XPOT: variants seen among roughly 807,000 people sequenced by gnomAD.
XPOT encodes exportin-T.
Under a neutral mutation model 128.2 loss-of-function variants are expected in XPOT, and 34 were observed. The observed-to-expected ratio is 0.27, with a 90% CI of 0.20 to 0.35. The LOEUF (loss-of-function observed/expected upper bound fraction) is 0.35, where lower values mean the gene tolerates loss of function less well. XPOT is among the 10% of genes least tolerant of loss of function. The pLI is 1.00. For missense variants in XPOT, 838 were observed against 1,125.3 expected, an observed-to-expected ratio of 0.74 and a Z score of 3.65; for synonymous variants, 348 against 394.3, an observed-to-expected ratio of 0.88 and a Z score of 1.39.
chr12:64,410,940 A>G (rs1172788155), intron 2 of XPOT, among the ~76,000 whole-genome samples: 1 of 152,168 alleles, frequency 6.6e-6, no homozygotes, highest in Non-Finnish European at 1.5e-5. Context: ...CTTTTTATAA[A>G]TGAGCTAAAT....
At chr12:64,418,773 C>G in intron 5 of XPOT, 103 bp from the exon 6 acceptor site, 1 of 891,302 alleles carries the variant, frequency 1.1e-6, no homozygotes, top group East Asian at 2.6e-5. Flanking sequence ...TTATCTGGGC[C>G]ATGTTGACAT....
intron 14 of XPOT, 44 bp downstream of exon 14, chr12:64,425,501 A>G: frequency 6.2e-7 from 1 of 1,604,278 alleles, no homozygotes; most frequent in Non-Finnish European, 8.5e-7. Context: ...GTTTCAGCTA[A>G]TGACTTGATA....
Position 64,428,704 on chromosome 12 carries a change from T to C in XPOT, c.1737+584T>C, listed in dbSNP as rs2040212985. Among the ~76,000 whole-genome samples, 6 of 152,280 alleles carry C rather than the reference T, an allele frequency of 3.9e-5. No individual in the cohort carries two copies. The South Asian group carries it at 1.2e-3, about 32-fold the overall frequency. ...AAAAATATAATCCTGGAAAAAGTAA[T>C]TTTAAAAAATTATTTGAAAGATATT... On this transcript the variant is annotated intron_variant, in intron 16 of 24. Transcript: ENST00000332707.
At chr12:64,417,125 G>A (rs920371277) in intron 4 of XPOT, among the ~76,000 whole-genome samples, 1 of 152,234 alleles carries the variant, frequency 6.6e-6, no homozygotes, top group African/African-American at 2.4e-5. Context: ...ACTGAGGCAC[G>A]AGAATTGCTT....
Position 64,421,275 on chromosome 12 carries a change from T to C in XPOT, c.884T>C (p.Val295Ala). ...TTCCTGGCCAGATTTTCTAAGTTGG[T>C]AAATGGAATGGGACAGTCATTGATA... Reference protein sequence around the residue: ...VDFLARFSKLVNGMGQSLIVS... With the variant: ...VDFLARFSKLANGMGQSLIVS... The change falls in exon 9 of 25, where the codon GTA becomes GCA. Residue 295 changes from valine (V) to alanine (A), a missense_variant. This residue lies in a region of XPOT where 761 missense variants were observed against 988.3 expected (regional missense o/e 0.77). Transcript: ENST00000332707. 1 of 1,613,914 alleles carries C rather than the reference T, an allele frequency of 6.2e-7. No individual in the cohort carries two copies. Among genetic ancestry groups the C allele is most frequent in the South Asian group, 1.1e-5 (1 of 91,076 alleles).
intron 19 of XPOT, 69 bp downstream of exon 19, chr12:64,433,672 A>G: frequency 7.2e-7 from 1 of 1,386,494 alleles, no homozygotes; most frequent in Middle Eastern, 1.9e-4. Flanking sequence ...TATATGACCA[A>G]GAGCAAACTG....
chr12:64,414,397 A>C (rs930443817), intron 2 of XPOT, among the ~76,000 whole-genome samples: 18 of 152,228 alleles, frequency 1.2e-4, no homozygotes, highest in African/African-American at 4.3e-4. Context: ...CTTACATGAT[A>C]TAATTAAAGA....
At chr12:64,437,151 A>AG (rs1565803239) in intron 22 of XPOT, among the ~76,000 whole-genome samples, 1 of 152,214 alleles carries the variant, frequency 6.6e-6, no homozygotes, top group African/African-American at 2.4e-5. Context: ...TCAATTCAGC[A>AG]GCATTTCTTC....
intron 11 of XPOT, among the ~76,000 whole-genome samples, chr12:64,423,718 T>C (rs1435979814): frequency 6.6e-6 from 1 of 152,162 alleles, no homozygotes; most frequent in African/African-American, 2.4e-5. Context: ...CCTCCCAAAG[T>C]GTTGGGATTA....
rs149510717 is a variant in XPOT, at chr12:64,424,699, G to A, written c.1283G>A (p.Arg428His). The A allele has an allele frequency of 1.0e-4, 165 of 1,613,588 alleles. No homozygotes were observed. Among genetic ancestry groups the A allele is most frequent in the Non-Finnish European group, 1.3e-4 (152 of 1,179,964 alleles). Residue 428 changes from arginine (R) to histidine (H), a missense_variant, in exon 12 of 25, where the codon CGC (arginine) becomes CAC (histidine). Around this residue, in one of 3 missense-constraint regions of XPOT, gnomAD observed 761 missense variants for 988.3 expected, o/e 0.77. Coordinates refer to ENST00000332707, the MANE Select transcript of XPOT (RefSeq NM_007235.6). ...CCAGAGTTACTACTGGCCTCTGTTC[G>A]CAGAGTTTTTAGTTCTACACTGCAG... ...VSPELLLASV[R>H]RVFSSTLQNW...
At chr12:64,415,036 T>C in intron 3 of XPOT, 47 bp downstream of exon 3, 1 of 1,147,398 alleles carries the variant, frequency 8.7e-7, no homozygotes, top group Non-Finnish European at 1.3e-6. Flanking sequence ...TCTGTGGACA[T>C]GACAGGACTG....
At chr12:64,434,297 A>G (rs1026862199) in intron 19 of XPOT, among the ~76,000 whole-genome samples, 1 of 152,146 alleles carries the variant, frequency 6.6e-6, no homozygotes, top group African/African-American at 2.4e-5. Flanking sequence ...CGCCCAGCTG[A>G]TTTTTCAGTG....
At chr12:64,406,065 A>G (rs1014896585) in intron 1 of XPOT, among the ~76,000 whole-genome samples, 9 of 151,982 alleles carry the variant, frequency 5.9e-5, no homozygotes, top group South Asian at 2.1e-4. Context: ...GAGTGACTTG[A>G]CCAAGCTTAA....
intron 15 of XPOT, among the ~76,000 whole-genome samples, chr12:64,426,298 C>CAAAAA (rs144538945): frequency 8.1e-6 from 1 of 123,686 alleles, no homozygotes; most frequent in Non-Finnish European, 1.6e-5. Flanking sequence ...GACTCAGTCT[C>CAAAAA]AAAAAAAAAA....
chr12:64,420,577 G>GGTACTAA, intron 8 of XPOT, 56 bp downstream of exon 8: 5 of 1,322,718 alleles, frequency 3.8e-6, no homozygotes, highest in Non-Finnish European at 5.2e-6. Context: ...AACTGGGATA[G>GGTACTAA]GTACTAAGTT....
intron 15 of XPOT, 68 bp downstream of exon 15, chr12:64,425,977 G>T: frequency 7.0e-7 from 1 of 1,428,356 alleles, no homozygotes; most frequent in Non-Finnish European, 9.9e-7. Context: ...TAAAACAATA[G>T]TAAAGACATG....
intron 23 of XPOT, among the ~76,000 whole-genome samples, chr12:64,441,554 A>G (rs1330122181): frequency 1.3e-5 from 2 of 152,094 alleles, no homozygotes; most frequent in African/African-American, 2.4e-5. Flanking sequence ...GATTCCATGT[A>G]AATTCTAGTT....
At chr12:64,434,047 ACT>A (rs985221324) in intron 19 of XPOT, among the ~76,000 whole-genome samples, 6 of 152,054 alleles carry the variant, frequency 3.9e-5, no homozygotes, top group Non-Finnish European at 8.8e-5. Flanking sequence ...ATAGGGTCTC[ACT>A]CTCTTGCCCA....
chr12:64,416,618 TTAC>T (rs2040089869), intron 3 of XPOT, 77 bp from the exon 4 acceptor site: 1 of 1,148,070 alleles, frequency 8.7e-7, no homozygotes, highest in Middle Eastern at 2.0e-4. Context: ...TTCTGCTGTA[TTAC>T]TCATTACTAT....
Sources: gnomAD v4.1 joint callset for allele counts (sites outside exome capture counted in the v4.1 genomes callset) on GRCh38, gnomAD v4.1.1 for gene constraint, gnomAD v4.1.1 regional missense constraint, MANE v1.5 for transcripts, NCBI Gene and HGNC (gene_info 2026-07-23, HGNC 2026-07-21) for gene names.